Variants in DIAPH2 observed in about 807,000 individuals in gnomAD.
The protein encoded by DIAPH2 is protein diaphanous homolog 2.
Under a neutral mutation model 92.7 loss-of-function variants are expected in DIAPH2, and 35 were observed. The ratio of observed to expected loss-of-function variants is 0.38; its 90% CI spans 0.29 to 0.50. DIAPH2 has a LOEUF of 0.50. Among genes scored for constraint, DIAPH2 ranks in the 20% least tolerant of loss-of-function variants. The pLI is 0.94. For missense variants in DIAPH2, 701 were observed against 819.5 expected (o/e 0.86, Z 1.77); for synonymous variants, 301 against 280.4 (o/e 1.07, Z -0.73).
At chrX:96,921,864 T>C (rs1036702241) in intron 9 of DIAPH2, among the ~76,000 whole-genome samples, 1 of 110,835 alleles carries the variant, frequency 9.0e-6, no homozygotes, top group Non-Finnish European at 1.9e-5. Flanking sequence ...TACAGACACA[T>C]ACTTTTTTAA....
At chrX:97,276,406 A>G (rs1255367936) in intron 23 of DIAPH2, among the ~76,000 whole-genome samples, 1 of 111,869 alleles carries the variant, frequency 8.9e-6, no homozygotes, top group East Asian at 2.8e-4. Flanking sequence ...GTCAGGACTT[A>G]TTTTGCTAAG....
intron 26 of DIAPH2, among the ~76,000 whole-genome samples, chrX:97,515,578 G>A (rs953783282): frequency 8.9e-6 from 1 of 112,038 alleles, no homozygotes; most frequent in Non-Finnish European, 1.9e-5. Flanking sequence ...ATGAAGAAGT[G>A]GAGGGTAGTG....
intron 4 of DIAPH2, among the ~76,000 whole-genome samples, chrX:96,783,410 C>T (rs745456085): frequency 8.9e-6 from 1 of 112,297 alleles, no homozygotes; most frequent in South Asian, 3.7e-4. Flanking sequence ...TGAACATGAT[C>T]GTTCATAGTG....
rs1363013600 is a variant in DIAPH2, at chrX:96,939,488, GTATATATATA to G, written c.1325+108_1325+117del. The stretch of plus-strand genomic sequence containing the variant: ...GCAATATATGCATATGTGTGTGTAT[GTATATATATA>G]TGTATATATATATGTATGTATATAT... On this transcript the variant is annotated intron_variant, in intron 12 of 26. Transcript: ENST00000324765. 63 of 108,831 alleles carry G rather than the reference GTATATATATA, an allele frequency of 5.8e-4. 4 individuals carry two copies. Among genetic ancestry groups the G allele is most frequent in the African/African-American group, 1.8e-3 (34 of 19,363 alleles). 9.0% of individuals were successfully genotyped at this position (108,831 alleles called of 1,213,427 possible).
At chrX:96,811,629 C>T (rs1470410657) in intron 4 of DIAPH2, among the ~76,000 whole-genome samples, 1 of 111,533 alleles carries the variant, frequency 9.0e-6, no homozygotes, top group African/African-American at 3.3e-5. Flanking sequence ...CCAGTTTTTG[C>T]CCATTCAGTA....
chrX:97,067,370 C>A (rs905909990), intron 17 of DIAPH2, among the ~76,000 whole-genome samples: 2 of 111,936 alleles, frequency 1.8e-5, no homozygotes, highest in African/African-American at 3.2e-5. Context: ...GAGATTTATT[C>A]ATATGATTTT....
intron 17 of DIAPH2, among the ~76,000 whole-genome samples, chrX:97,025,447 T>G (rs1355034732): frequency 9.2e-6 from 1 of 108,407 alleles, no homozygotes; most frequent in African/African-American, 3.4e-5. Flanking sequence ...GTCAGGAAAT[T>G]GAGACCATCC....
chrX:97,042,504 A>T (rs748226735), intron 17 of DIAPH2, among the ~76,000 whole-genome samples: 7 of 112,017 alleles, frequency 6.2e-5, no homozygotes, highest in Admixed American at 1.9e-4. Flanking sequence ...TGACTGTGTT[A>T]CATTTTAAGA....
chrX:97,097,795 A>G (rs1473026370), intron 19 of DIAPH2, among the ~76,000 whole-genome samples: 1 of 112,112 alleles, frequency 8.9e-6, no homozygotes, highest in Non-Finnish European at 1.9e-5. Flanking sequence ...AAATCAATAG[A>G]AACAGTTTTT....
At chrX:97,430,348 C>T (rs1298594952) in intron 26 of DIAPH2, among the ~76,000 whole-genome samples, 1 of 112,474 alleles carries the variant, frequency 8.9e-6, no homozygotes, top group Non-Finnish European at 1.9e-5. Flanking sequence ...ACCTCCCTCA[C>T]CCAAGTGAAC....
chrX:97,002,771 T>C (rs1040645808), intron 17 of DIAPH2, among the ~76,000 whole-genome samples: 1 of 111,965 alleles, frequency 8.9e-6, no homozygotes, highest in Non-Finnish European at 1.9e-5. Flanking sequence ...ACCTCAAGTA[T>C]GTATTCTTTT....
At chrX:96,810,304 C>T (rs1445246851) in intron 4 of DIAPH2, among the ~76,000 whole-genome samples, 1 of 111,968 alleles carries the variant, frequency 8.9e-6, no homozygotes, top group Non-Finnish European at 1.9e-5. Flanking sequence ...CTGTTGGCTG[C>T]ATAAATGTCT....
At chrX:96,786,091 G>A (rs961571416) in intron 4 of DIAPH2, among the ~76,000 whole-genome samples, 1 of 111,978 alleles carries the variant, frequency 8.9e-6, no homozygotes, top group Non-Finnish European at 1.9e-5. Context: ...GTGTATGTTT[G>A]AAGGTAGAGT....
chrX:97,265,828 A>C (rs776512489), intron 23 of DIAPH2, among the ~76,000 whole-genome samples: 1 of 111,975 alleles, frequency 8.9e-6, no homozygotes, highest in Non-Finnish European at 1.9e-5. Context: ...CCAAGTGTTC[A>C]GTAAATATTA....
intron 15 of DIAPH2, among the ~76,000 whole-genome samples, chrX:96,950,916 A>G (rs1005603769): frequency 1.8e-5 from 2 of 111,554 alleles, no homozygotes; most frequent in Non-Finnish European, 3.8e-5. Context: ...TACTGTCTCC[A>G]TACTTAACCC....
intron 20 of DIAPH2, among the ~76,000 whole-genome samples, chrX:97,104,542 A>AT (rs1292817250): frequency 1.8e-5 from 2 of 109,645 alleles, no homozygotes; most frequent in Non-Finnish European, 3.8e-5. Flanking sequence ...TGCCCGGCTA[A>AT]TTTTTTTAAA....
At chrX:96,847,484 A>C (rs2064979322) in intron 4 of DIAPH2, among the ~76,000 whole-genome samples, 1 of 111,918 alleles carries the variant, frequency 8.9e-6, no homozygotes, top group African/African-American at 3.3e-5. Context: ...TTATTTCTAA[A>C]CTGGGAGATG....
chrX:97,310,335 T>A (rs1416192247), intron 23 of DIAPH2, among the ~76,000 whole-genome samples: 1 of 112,014 alleles, frequency 8.9e-6, no homozygotes, highest in Non-Finnish European at 1.9e-5. Flanking sequence ...GGAGCTTATG[T>A]AATAGTAAGG....
chrX:97,275,954 C>G (rs981303300), intron 23 of DIAPH2, among the ~76,000 whole-genome samples: 1 of 112,468 alleles, frequency 8.9e-6, no homozygotes, highest in Non-Finnish European at 1.9e-5. Flanking sequence ...TGTAGCTAGC[C>G]GAGATCACGC....
Sources: allele counts gnomAD v4.1 joint callset (sites outside exome capture counted in the v4.1 genomes callset), GRCh38; gene constraint gnomAD v4.1.1; transcripts MANE v1.5; gene names NCBI Gene and HGNC (gene_info 2026-07-23, HGNC 2026-07-21).